The following LRRC4C variants were observed in gnomAD, a reference collection of about 807,000 sequenced individuals.
The protein encoded by LRRC4C is leucine rich repeat containing 4C, also known as leucine-rich repeat-containing protein 4C.
Under a neutral mutation model 33.6 loss-of-function variants are expected in LRRC4C, and 5 were observed. The observed-to-expected ratio is 0.15, with a 90% CI of 0.08 to 0.31. LRRC4C has a LOEUF of 0.31. LRRC4C is among the 10% of genes least tolerant of loss of function. LRRC4C has a pLI of 1.00. For missense variants in LRRC4C, 560 were observed against 796.7 expected, an observed-to-expected ratio of 0.70 and a Z score of 3.58; for synonymous variants, 329 against 302.0, an observed-to-expected ratio of 1.09 and a Z score of -0.93.
rs1254928293 is a variant in LRRC4C, at chr11:41,249,309, C to G, written c.-496+210122G>C. Among the ~76,000 whole-genome samples, 7 of 152,124 alleles carry G rather than the reference C, an allele frequency of 4.6e-5. No homozygotes were observed. In the East Asian group the frequency reaches 1.4e-3, roughly 29 times the overall value. ...TCGGCCTCCCAAAGTGCTGGGATTA[C>G]AGGCGTGAGCCACCGCGCCCGGCCA... On this transcript the variant is annotated intron_variant, in intron 1 of 6. Coordinates refer to ENST00000528697, the MANE Select transcript of LRRC4C (RefSeq NM_001258419.2).
rs918141595 is a variant in LRRC4C, at chr11:40,792,207, T to C, written c.-407+141428A>G. Among the ~76,000 whole-genome samples, 4 of 152,220 alleles carry C rather than the reference T, an allele frequency of 2.6e-5. 1 individual carries two copies. The South Asian group carries it at 8.3e-4, about 32-fold the overall frequency. On this transcript the variant is annotated intron_variant, in intron 2 of 6. Transcript: ENST00000528697. ...AAAATATGACATGTTTCATTATTTT[T>C]GTCCTTTTGAATAATTATGAAATCA...
At chr11:40,243,217 T>G (rs1590802023) in intron 4 of LRRC4C, among the ~76,000 whole-genome samples, 1 of 152,264 alleles carries the variant, frequency 6.6e-6, no homozygotes, top group East Asian at 1.9e-4. Flanking sequence ...TTTAAAAAGG[T>G]AAATTTCTAC....
At chr11:40,825,386 G>A (rs1458576628) in intron 2 of LRRC4C, among the ~76,000 whole-genome samples, 1 of 151,866 alleles carries the variant, frequency 6.6e-6, no homozygotes, top group East Asian at 1.9e-4. Context: ...ATTACCCAGT[G>A]AGGCTGGCCT....
intron 3 of LRRC4C, among the ~76,000 whole-genome samples, chr11:40,454,176 T>A (rs1952026942): frequency 6.6e-6 from 1 of 151,968 alleles, no homozygotes; most frequent in African/African-American, 2.4e-5. Flanking sequence ...ATTAAAGTTT[T>A]TTTTTTTTTT....
At chr11:40,490,091 A>G (rs1476284957) in intron 3 of LRRC4C, among the ~76,000 whole-genome samples, 1 of 152,184 alleles carries the variant, frequency 6.6e-6, no homozygotes, top group Non-Finnish European at 1.5e-5. Context: ...AATGCCTGCC[A>G]TATAGTGTAT....
At chr11:40,188,259 T>G (rs1029902696) in intron 5 of LRRC4C, among the ~76,000 whole-genome samples, 1 of 152,224 alleles carries the variant, frequency 6.6e-6, no homozygotes, top group Non-Finnish European at 1.5e-5. Context: ...GACTTCCTTT[T>G]TGGTCCTACA....
chr11:40,456,743 T>C (rs1219027069), intron 3 of LRRC4C, among the ~76,000 whole-genome samples: 3 of 151,884 alleles, frequency 2.0e-5, no homozygotes, highest in Non-Finnish European at 4.4e-5. Flanking sequence ...ATTGTAAAGA[T>C]AATTTCAAGT....
At chr11:40,520,723 T>C (rs1955774890) in intron 3 of LRRC4C, among the ~76,000 whole-genome samples, 1 of 152,168 alleles carries the variant, frequency 6.6e-6, no homozygotes, top group African/African-American at 2.4e-5. Flanking sequence ...GAAAGTGGCA[T>C]TGATAGACTT....
chr11:40,987,681 T>TATATATATCTATATATATATATATATG (rs1565274746), intron 1 of LRRC4C, among the ~76,000 whole-genome samples: 1 of 74,676 alleles, frequency 1.3e-5, no homozygotes, highest in African/African-American at 6.1e-5. Flanking sequence ...AAATGATATA[T>TATATATATCTATATATATATATATATG]ATATATATAT....
At chr11:41,240,101 A>T (rs1410774446) in intron 1 of LRRC4C, among the ~76,000 whole-genome samples, 4 of 152,204 alleles carry the variant, frequency 2.6e-5, no homozygotes, top group Admixed American at 2.6e-4. Context: ...ATGAACTAAC[A>T]AACTCCAGCT....
intron 1 of LRRC4C, among the ~76,000 whole-genome samples, chr11:41,264,604 T>A (rs1432890683): frequency 1.3e-5 from 2 of 152,128 alleles, no homozygotes; most frequent in Non-Finnish European, 2.9e-5. Flanking sequence ...GAATTGGGAA[T>A]TGTACCATAG....
chr11:40,312,804 A>G (rs1412825271), intron 4 of LRRC4C, among the ~76,000 whole-genome samples: 2 of 152,240 alleles, frequency 1.3e-5, no homozygotes, highest in Non-Finnish European at 2.9e-5. Context: ...AAATGTAGTC[A>G]GCTTAACCCG....
chr11:40,121,388 A>G (rs1300302325), intron 6 of LRRC4C, among the ~76,000 whole-genome samples: 1 of 152,244 alleles, frequency 6.6e-6, no homozygotes, highest in Non-Finnish European at 1.5e-5. Context: ...TGCTTGGTAC[A>G]TGCACTGAAT....
At chr11:40,818,838 C>A (rs968834317) in intron 2 of LRRC4C, among the ~76,000 whole-genome samples, 2 of 151,962 alleles carry the variant, frequency 1.3e-5, no homozygotes, top group African/African-American at 4.8e-5. Flanking sequence ...CAATTCATAC[C>A]TAGCTAAATA....
At chr11:40,394,533 T>C (rs530466951) in intron 3 of LRRC4C, among the ~76,000 whole-genome samples, 3 of 152,238 alleles carry the variant, frequency 2.0e-5, no homozygotes, top group Admixed American at 6.5e-5. Flanking sequence ...GCTCAGACTT[T>C]GATATATTCA....
Position 41,438,016 on chromosome 11 carries a change from C to A in LRRC4C, c.-496+21415G>T, listed in dbSNP as rs1000272408. On this transcript the variant is annotated intron_variant, in intron 1 of 6. Transcript: ENST00000528697. ...TCACACTGTCACACTCCAGCCTGGG[C>A]GACAAGAACAAAACTCCATCTCAAA... Among the ~76,000 whole-genome samples the A allele has an allele frequency of 1.4e-5, 2 of 140,166 alleles. 1 individual carries two copies. Among genetic ancestry groups the A allele is most frequent in the South Asian group, 4.5e-4 (2 of 4,438 alleles). 92.0% of individuals were successfully genotyped at this position (140,166 alleles called of 152,430 possible). A position where few individuals can be genotyped will look rare whatever the true frequency, so the allele number is the denominator to read the frequency against.
chr11:41,407,680 T>A (rs1954294236), intron 1 of LRRC4C, among the ~76,000 whole-genome samples: 1 of 152,212 alleles, frequency 6.6e-6, no homozygotes, highest in African/African-American at 2.4e-5. Flanking sequence ...GTGTACCTTT[T>A]ATAAACCATG....
chr11:40,637,158 ATCT>A (rs1941801139), intron 3 of LRRC4C, among the ~76,000 whole-genome samples: 3 of 152,188 alleles, frequency 2.0e-5, no homozygotes, highest in African/African-American at 7.2e-5. Flanking sequence ...GTTTTATACC[ATCT>A]TCTTCATTTC....
chr11:41,274,343 CA>C (rs1481204006), intron 1 of LRRC4C, among the ~76,000 whole-genome samples: 1 of 152,096 alleles, frequency 6.6e-6, no homozygotes, highest in Non-Finnish European at 1.5e-5. Context: ...TCAACGGGAT[CA>C]AGGGCCAAAG....
Sources: gnomAD v4.1 joint callset for allele counts (sites outside exome capture counted in the v4.1 genomes callset) on GRCh38, gnomAD v4.1.1 for gene constraint, MANE v1.5 for transcripts, NCBI Gene and HGNC (gene_info 2026-07-23, HGNC 2026-07-21) for gene names.